The following SLC39A12 variants were observed in gnomAD, a reference collection of about 807,000 sequenced individuals.
The protein encoded by SLC39A12 is zinc transporter ZIP12.
SLC39A12 carries 63 observed loss-of-function variants against 71.1 expected under a neutral mutation model. That is an observed-to-expected ratio of 0.89 (90% CI 0.72 to 1.09). The LOEUF is 1.09. SLC39A12 is among the 50% of genes least tolerant of loss of function. SLC39A12 has a pLI of 0.00. For synonymous variants in SLC39A12, 351 were observed against 301.3 expected (o/e 1.16, Z -1.71); for missense variants, 892 against 812.6 (o/e 1.10, Z -1.19).
intron 12 of SLC39A12, chr10:18,010,596 C>A (rs1377368689): frequency 6.6e-6 from 1 of 152,174 alleles, no homozygotes; most frequent in Non-Finnish European, 1.5e-5. Context: ...TAGAAATTTT[C>A]TACTGAGAAA....
At chr10:18,002,487 T>C (rs1469770403) in intron 11 of SLC39A12, 1 of 152,136 alleles carries the variant, frequency 6.6e-6, no homozygotes, top group Non-Finnish European at 1.5e-5. Flanking sequence ...CCAGCAGAGA[T>C]GTTTCAAGCC....
chr10:18,029,418 A>C (rs1207040931), intron 12 of SLC39A12, among the ~76,000 whole-genome samples: 1 of 152,158 alleles, frequency 6.6e-6, no homozygotes, highest in Non-Finnish European at 1.5e-5. Context: ...TATTTCCAGA[A>C]AATTACAACT....
chr10:17,978,916 CTTG>C (rs1835185083), intron 5 of SLC39A12, among the ~76,000 whole-genome samples: 1 of 152,154 alleles, frequency 6.6e-6, no homozygotes, highest in Non-Finnish European at 1.5e-5. Flanking sequence ...CACCTGGGAA[CTTG>C]TTGGAAATGT....
At chr10:18,025,455 T>G (rs1265112188) in intron 12 of SLC39A12, among the ~76,000 whole-genome samples, 1 of 152,006 alleles carries the variant, frequency 6.6e-6, no homozygotes, top group African/African-American at 2.4e-5. Flanking sequence ...CATTGTTCAA[T>G]TCCCACCTAC....
At chr10:17,974,898 G>T (rs1589226348) in intron 4 of SLC39A12, among the ~76,000 whole-genome samples, 1 of 152,026 alleles carries the variant, frequency 6.6e-6, no homozygotes, top group Non-Finnish European at 1.5e-5. Flanking sequence ...CCATACAGGA[G>T]CCAGGAACTA....
Position 17,993,200 on chromosome 10 carries a change from ATGGGCACG to A in SLC39A12, c.1447_1454del (p.His483SerfsTer10). 6.4e-7 allele frequency: 1 copy of A among 1,551,584 alleles called. No homozygotes were observed. Among genetic ancestry groups the A allele is most frequent in the South Asian group, 1.2e-5 (1 of 83,990 alleles). ...ATCCAGCAGGGCCTGTCATTGGTTA[ATGGGCACG>A]TGGGTCATTCCCACCATCTTGCACT... On this transcript the variant is annotated frameshift_variant, in exon 9 of 13. Coordinates refer to ENST00000377369, the MANE Select transcript of SLC39A12 (RefSeq NM_001145195.2). LOFTEE classifies it high-confidence loss of function.
Position 18,025,390 on chromosome 10 carries a change from C to G in SLC39A12, c.1948-17315C>G, listed in dbSNP as rs370073990. Among the ~76,000 whole-genome samples the G allele has an allele frequency of 1.1e-4, 17 of 152,242 alleles. No homozygotes were observed. In the East Asian group the frequency reaches 2.1e-3, roughly 19 times the overall value. The stretch of plus-strand genomic sequence containing the variant: ...AAATGCTATCCCTCCTCCCTCCCCC[C>G]ACCTCACAACAGGCCCCGGTGTGTG... On this transcript the variant is annotated intron_variant, in intron 12 of 12. Transcript: ENST00000377369.
Position 18,000,689 on chromosome 10 carries a change from A to C in SLC39A12, c.1623A>C (p.Ala541=), listed in dbSNP as rs753109271. The change falls in exon 11 of 13, where the codon GCA becomes GCC. Residue 541 remains alanine (A), a synonymous_variant. Transcript: ENST00000377369. ...TAGGTAAAGCCATTAGCTTGTTAGC[A>C]ATCATGATTCTGGTTGGGGACAGCC... ...NRKCKAISLL[A]IMILVGDSLH... The C allele has an allele frequency of 1.2e-6, 2 of 1,614,196 alleles. No homozygotes were observed. Among genetic ancestry groups the C allele is most frequent in the South Asian group, 2.2e-5 (2 of 91,080 alleles).
chr10:17,952,567 A>C (rs1834430823), intron 1 of SLC39A12, among the ~76,000 whole-genome samples: 1 of 146,904 alleles, frequency 6.8e-6, no homozygotes, highest in Admixed American at 6.9e-5. Context: ...GGCTCACTGC[A>C]ACCCCCGCCT....
At chr10:17,956,755 AC>A (rs1206842935) in intron 2 of SLC39A12, among the ~76,000 whole-genome samples, 8 of 152,182 alleles carry the variant, frequency 5.3e-5, no homozygotes, top group African/African-American at 1.9e-4. Flanking sequence ...TTTAATTCAC[AC>A]CTGGCCCTAG....
At chr10:18,021,447 T>C (rs1024257704) in intron 12 of SLC39A12, among the ~76,000 whole-genome samples, 4 of 152,074 alleles carry the variant, frequency 2.6e-5, no homozygotes, top group Non-Finnish European at 4.4e-5. Context: ...CAGCCCCTGC[T>C]CTTTTCTGTT....
chr10:17,981,157 C>T (rs1187197611), intron 5 of SLC39A12, among the ~76,000 whole-genome samples, 155 bp from the exon 6 acceptor site: 1 of 152,188 alleles, frequency 6.6e-6, no homozygotes, highest in African/African-American at 2.4e-5. Context: ...GAATTACGTA[C>T]AGCTGAAAGT....
At chr10:18,021,494 C>T (rs1429836876) in intron 12 of SLC39A12, among the ~76,000 whole-genome samples, 17 of 152,020 alleles carry the variant, frequency 1.1e-4, no homozygotes, top group Admixed American at 1.1e-3. Flanking sequence ...CATCCCTTTA[C>T]TTTGAGTCTA....
intron 8 of SLC39A12, among the ~76,000 whole-genome samples, chr10:17,992,098 A>G (rs1214172094): frequency 6.6e-6 from 1 of 151,522 alleles, no homozygotes; most frequent in African/African-American, 2.4e-5. Context: ...CAAAAAAAAA[A>G]AAAAAAAAAA....
chr10:18,019,453 C>G (rs934816578), intron 12 of SLC39A12, among the ~76,000 whole-genome samples: 12 of 151,728 alleles, frequency 7.9e-5, no homozygotes, highest in Non-Finnish European at 1.5e-4. Flanking sequence ...TCTTCTTTTT[C>G]TAGTTTCCTA....
intron 12 of SLC39A12, among the ~76,000 whole-genome samples, chr10:18,025,919 G>A (rs1354210127): frequency 6.6e-6 from 1 of 152,098 alleles, no homozygotes; most frequent in African/African-American, 2.4e-5. Flanking sequence ...ACTAATCCAA[G>A]TCTATTTTCA....
rs115613526 is a variant in SLC39A12, at chr10:17,957,844, C to T, written c.262-3737C>T. ...CTTCTGTATTAAAATAAATTCTTTA[C>T]GATTCAAATATTATAAAAGGGAGGA... On this transcript the variant is annotated intron_variant, in intron 2 of 12. Coordinates refer to ENST00000377369, the MANE Select transcript of SLC39A12 (RefSeq NM_001145195.2). Among the ~76,000 whole-genome samples, 239 of 152,172 alleles carry T rather than the reference C, an allele frequency of 1.6e-3. 1 individual carries two copies. The highest frequency in any genetic ancestry group is 5.2e-3 in the African/African-American group (214 of 41,496).
At chr10:18,036,589 A>T (rs1359760479) in intron 12 of SLC39A12, among the ~76,000 whole-genome samples, 1 of 151,540 alleles carries the variant, frequency 6.6e-6, no homozygotes, top group Non-Finnish European at 1.5e-5. Flanking sequence ...TCAGGTGGAA[A>T]TGCAGAAATC....
Position 17,998,296 on chromosome 10 carries a change from A to G in SLC39A12, c.1601-2371A>G, listed in dbSNP as rs548659507. 6.2e-5 allele frequency among the ~76,000 whole-genome samples: 7 copies of G among 112,684 alleles called. No individual in the cohort carries two copies. The South Asian group carries it at 1.6e-3, about 26-fold the overall frequency. The allele number at this position is 112,684 out of a possible 152,430, so 73.9% of individuals were successfully genotyped here. A position where few individuals can be genotyped will look rare whatever the true frequency, so the allele number is the denominator to read the frequency against. On this transcript the variant is annotated intron_variant, in intron 10 of 12. Coordinates refer to ENST00000377369, the MANE Select transcript of SLC39A12 (RefSeq NM_001145195.2). Reference sequence around the variant, plus strand: ...AAAATAGGCCACACTGGTTTCTAGCAGAGTGTAATATTGGCTAAAAATCCT... The same window carrying G: ...AAAATAGGCCACACTGGTTTCTAGCGGAGTGTAATATTGGCTAAAAATCCT...
Sources: allele counts gnomAD v4.1 joint callset (sites outside exome capture counted in the v4.1 genomes callset), GRCh38; gene constraint gnomAD v4.1.1; transcripts MANE v1.5; gene names NCBI Gene and HGNC (gene_info 2026-07-23, HGNC 2026-07-21).